The following HIVEP3 variants were observed in gnomAD, a reference collection of about 807,000 sequenced individuals.
The protein encoded by HIVEP3 is transcription factor HIVEP3.
HIVEP3 carries 49 observed loss-of-function variants against 152.8 expected under a neutral mutation model. That is an observed-to-expected ratio of 0.32 (90% CI 0.26 to 0.41). The LOEUF (loss-of-function observed/expected upper bound fraction) is 0.41, where lower values mean the gene tolerates loss of function less well. Ranked by LOEUF, HIVEP3 falls within the 10% of genes least tolerant of loss-of-function variation. HIVEP3 has a pLI of 1.00. For missense variants in HIVEP3, 2,790 were observed against 3,103.3 expected, an observed-to-expected ratio of 0.90 and a Z score of 2.40; for synonymous variants, 1,269 against 1,289.0, an observed-to-expected ratio of 0.98 and a Z score of 0.33.
Position 41,511,314 on chromosome 1 carries a change from C to A in HIVEP3, c.6406-48G>T. The A allele has an allele frequency of 6.8e-7, 1 of 1,468,318 alleles. No individual in the cohort carries two copies. Among genetic ancestry groups the A allele is most frequent in the Non-Finnish European group, 9.2e-7 (1 of 1,092,028 alleles). The allele number at this position is 1,468,318 out of a possible 1,614,324, so 91.0% of individuals were successfully genotyped here. On this transcript the variant is annotated intron_variant, in intron 8 of 8. Coordinates refer to ENST00000372583, the MANE Select transcript of HIVEP3 (RefSeq NM_024503.5). The surrounding 1 kb of genome is among the most constrained non-coding windows in gnomAD (Gnocchi z 4.9). ...GGTAAGGTGAAGGTTACATGCTGGG[C>A]ACATGGGGAGCCGAGGCCTGGAAGT... is the stretch of plus-strand genomic sequence containing the variant.
At chr1:41,986,664 T>C (rs1645325362) in intron 1 of HIVEP3, among the ~76,000 whole-genome samples, 1 of 152,050 alleles carries the variant, frequency 6.6e-6, no homozygotes, top group African/African-American at 2.4e-5. Flanking sequence ...ATGGTCTCGA[T>C]CTCCTGACCT....
chr1:41,653,598 A>G (rs994711253), intron 2 of HIVEP3, among the ~76,000 whole-genome samples: 11 of 152,164 alleles, frequency 7.2e-5, no homozygotes, highest in African/African-American at 2.7e-4. Context: ...CCCTTTTAAA[A>G]AACAGATGGG....
At chr1:41,513,818 C>T in intron 7 of HIVEP3, 68 bp from the exon 8 acceptor site, 3 of 1,298,040 alleles carry the variant, frequency 2.3e-6, no homozygotes, top group Non-Finnish European at 3.1e-6. Flanking sequence ...ACGGCTGCTC[C>T]TCTCTGAGCC....
chr1:41,850,649 C>T (rs1182465993), intron 1 of HIVEP3, among the ~76,000 whole-genome samples: 1 of 152,200 alleles, frequency 6.6e-6, no homozygotes, highest in African/African-American at 2.4e-5. Flanking sequence ...AGCACTCAGG[C>T]CATGCCATGG....
At chr1:42,009,761 T>A (rs1645482603) in intron 1 of HIVEP3, among the ~76,000 whole-genome samples, 1 of 152,156 alleles carries the variant, frequency 6.6e-6, no homozygotes, top group Non-Finnish European at 1.5e-5. Context: ...CAGAGAAAAA[T>A]TATTCCATTA....
Position 41,518,475 on chromosome 1 carries a change from CT to C in HIVEP3, c.5396del (p.Lys1799SerfsTer3). 1 of 1,613,954 alleles carries C rather than the reference CT, an allele frequency of 6.2e-7. No homozygotes were observed. The highest frequency in any genetic ancestry group is 8.5e-7 in the Non-Finnish European group (1 of 1,179,812). On this transcript the variant is annotated frameshift_variant, in exon 7 of 9. Coordinates refer to ENST00000372583, the MANE Select transcript of HIVEP3 (RefSeq NM_024503.5). LOFTEE classifies it high-confidence loss of function. The part of the protein sequence containing the change: ...FAFKTKGNLT[K>X]HMKSKAHSKK... The stretch of plus-strand genomic sequence containing the variant: ...TGCTGTGGGCCTTCGACTTCATGTG[CT>C]TAGTCAGATTCCCTAGAAAGAAACG...
At chr1:41,617,863 G>C (rs1558119246) in intron 3 of HIVEP3, among the ~76,000 whole-genome samples, 1 of 140,938 alleles carries the variant, frequency 7.1e-6, no homozygotes, top group African/African-American at 2.7e-5. Context: ...TTTGGAACTG[G>C]ACAGGCTTCT....
intron 3 of HIVEP3, among the ~76,000 whole-genome samples, chr1:41,587,865 C>A (rs1644528920): frequency 6.6e-6 from 1 of 152,202 alleles, no homozygotes; most frequent in Admixed American, 6.5e-5. Flanking sequence ...ATGCGCACTG[C>A]AGTCTATGGC....
At chr1:41,866,035 G>C (rs1401902921) in intron 1 of HIVEP3, among the ~76,000 whole-genome samples, 2 of 152,190 alleles carry the variant, frequency 1.3e-5, no homozygotes, top group African/African-American at 4.8e-5. Flanking sequence ...TGGCAACTGG[G>C]CCCTACTGTC....
intron 1 of HIVEP3, among the ~76,000 whole-genome samples, chr1:41,875,004 G>A (rs1175699260): frequency 6.6e-6 from 1 of 152,196 alleles, no homozygotes; most frequent in Non-Finnish European, 1.5e-5. Flanking sequence ...CACTTGGAAG[G>A]ACCACATCAA....
At chr1:41,619,181 C>T (rs764483816) in intron 3 of HIVEP3, among the ~76,000 whole-genome samples, 1 of 152,200 alleles carries the variant, frequency 6.6e-6, no homozygotes, top group South Asian at 2.1e-4. Context: ...TTGCTGTTCC[C>T]AGCAGGCTGA....
At chr1:41,626,343 C>T (rs1379505025) in intron 3 of HIVEP3, among the ~76,000 whole-genome samples, 2 of 152,356 alleles carry the variant, frequency 1.3e-5, no homozygotes, top group East Asian at 3.9e-4. Context: ...TAATCACAGG[C>T]ACTTTCTTCC....
chr1:41,986,543 C>G (rs1645324343), intron 1 of HIVEP3, among the ~76,000 whole-genome samples: 2 of 151,794 alleles, frequency 1.3e-5, no homozygotes, highest in Admixed American at 6.6e-5. Flanking sequence ...CGAGTTCCCA[C>G]CACTCTCCTG....
At chr1:41,869,789 A>C (rs1224974358) in intron 1 of HIVEP3, among the ~76,000 whole-genome samples, 3 of 152,224 alleles carry the variant, frequency 2.0e-5, no homozygotes, top group Non-Finnish European at 4.4e-5. Flanking sequence ...AAATCTGTAC[A>C]GTTTTTTAAT....
intron 1 of HIVEP3, among the ~76,000 whole-genome samples, chr1:41,908,150 A>G (rs1486430924): frequency 6.6e-6 from 1 of 152,188 alleles, no homozygotes; most frequent in Non-Finnish European, 1.5e-5. Flanking sequence ...GAAAGAGACC[A>G]TCTCTAATCC....
At chr1:41,830,724 C>T (rs1459726222) in intron 1 of HIVEP3, among the ~76,000 whole-genome samples, 1 of 152,206 alleles carries the variant, frequency 6.6e-6, no homozygotes, top group Non-Finnish European at 1.5e-5. Context: ...CATCACAGTT[C>T]AACTTTTCCC....
chr1:41,722,844 G>C (rs775914915), intron 1 of HIVEP3, among the ~76,000 whole-genome samples: 12 of 152,132 alleles, frequency 7.9e-5, no homozygotes, highest in Non-Finnish European at 1.5e-4. Context: ...TGAATATTGA[G>C]TGTGCATGCA....
chr1:41,692,095 C>T (rs1414919165), intron 2 of HIVEP3, among the ~76,000 whole-genome samples: 1 of 152,186 alleles, frequency 6.6e-6, no homozygotes, highest in Non-Finnish European at 1.5e-5. Flanking sequence ...CCACCTGTCT[C>T]AGCCTCCCAA....
intron 1 of HIVEP3, among the ~76,000 whole-genome samples, chr1:41,839,357 T>C (rs1361622477): frequency 1.3e-5 from 2 of 152,170 alleles, no homozygotes; most frequent in Admixed American, 6.5e-5. Context: ...GTCCCGATGA[T>C]TGCTGGGGTT....
Sources: allele counts gnomAD v4.1 joint callset (sites outside exome capture counted in the v4.1 genomes callset), GRCh38; gene constraint gnomAD v4.1.1; non-coding constraint Gnocchi (gnomAD v3.1); transcripts MANE v1.5; gene names NCBI Gene and HGNC (gene_info 2026-07-23, HGNC 2026-07-21).